CEP104: variants seen among roughly 807,000 people sequenced by gnomAD.
The protein encoded by CEP104 is centrosomal protein 104, also known as centrosomal protein of 104 kDa.
CEP104 carries 84 observed loss-of-function variants against 113.3 expected under a neutral mutation model. The ratio of observed to expected loss-of-function variants is 0.74; its 90% CI spans 0.62 to 0.89. The LOEUF (loss-of-function observed/expected upper bound fraction) is 0.89, where lower values mean the gene tolerates loss of function less well. CEP104 is among the 40% of genes least tolerant of loss of function. CEP104 has a pLI of 0.00. For missense variants in CEP104, 1,053 were observed against 1,156.6 expected (o/e 0.91, Z 1.30); for synonymous variants, 378 against 421.7 (o/e 0.90, Z 1.27).
intron 20 of CEP104, chr1:3,822,921 G>T: frequency 2.1e-6 from 1 of 480,668 alleles, no homozygotes; most frequent in South Asian, 3.5e-5. Context: ...GTATCCCAGT[G>T]ACACAGGCTG....
At chr1:3,855,765 G>T (rs1340697700) in intron 1 of CEP104, 1 of 323,522 alleles carries the variant, frequency 3.1e-6, no homozygotes, top group Non-Finnish European at 4.5e-6. Flanking sequence ...TAAGATACTT[G>T]GAATGTCACT....
intron 1 of CEP104, among the ~76,000 whole-genome samples, chr1:3,854,700 G>T (rs1484653961): frequency 6.7e-6 from 1 of 148,530 alleles, no homozygotes; most frequent in Non-Finnish European, 1.5e-5. Flanking sequence ...GGCCAGGCTG[G>T]TCTCGAACTC....
chr1:3,819,369 A>G lies in CEP104; in HGVS notation c.2572-2999T>C, dbSNP rs1193819336. Among the ~76,000 whole-genome samples, 2 of 152,160 alleles carry G rather than the reference A, an allele frequency of 1.3e-5. No individual in the cohort carries two copies. The highest frequency in any genetic ancestry group is 4.8e-5 in the African/African-American group (2 of 41,418). ...GGCAGTGTTGTCTTTTGGGTGATGGAAAAGTTCCACACGTGTGCAGATGGT... is the reference window on the plus strand; with the variant it reads ...GGCAGTGTTGTCTTTTGGGTGATGGGAAAGTTCCACACGTGTGCAGATGGT... On this transcript the variant is annotated intron_variant, in intron 20 of 21. Coordinates refer to ENST00000378230, the MANE Select transcript of CEP104 (RefSeq NM_014704.4). The surrounding 1 kb of genome is among the most constrained non-coding windows in gnomAD (Gnocchi z 4.6).
chr1:3,821,772 T>C (rs996752364), intron 20 of CEP104, among the ~76,000 whole-genome samples: 4 of 152,230 alleles, frequency 2.6e-5, no homozygotes, highest in Middle Eastern at 3.2e-3. Flanking sequence ...CAAGGGAACG[T>C]AGTCAGCAGA....
intron 12 of CEP104, among the ~76,000 whole-genome samples, chr1:3,832,350 G>A (rs1644226611): frequency 6.6e-6 from 1 of 152,102 alleles, no homozygotes; most frequent in Admixed American, 6.5e-5. Flanking sequence ...AACCAGGAGT[G>A]TAGTGTAGCA....
intron 17 of CEP104, 132 bp from the exon 18 acceptor site, chr1:3,825,998 A>G (rs2124648157): frequency 1.4e-6 from 1 of 709,140 alleles, no homozygotes; most frequent in East Asian, 2.7e-5. Flanking sequence ...CTCATCTGGA[A>G]CTGCCTCAGT....
chr1:3,828,269 T>C (rs931419438), intron 15 of CEP104, among the ~76,000 whole-genome samples: 2 of 152,204 alleles, frequency 1.3e-5, no homozygotes, highest in Non-Finnish European at 2.9e-5. Flanking sequence ...GAGTGTGTGC[T>C]GAGCCACTGA....
chr1:3,831,371 G>C (rs909406180), intron 12 of CEP104, 149 bp from the exon 13 acceptor site: 1 of 580,034 alleles, frequency 1.7e-6, no homozygotes, highest in Non-Finnish European at 3.0e-6. Context: ...GCACTGATCC[G>C]TAAGCTTGTA....
At chr1:3,843,919 G>A (rs1404910741) in intron 6 of CEP104, among the ~76,000 whole-genome samples, 8 of 151,954 alleles carry the variant, frequency 5.3e-5, no homozygotes, top group Non-Finnish European at 7.4e-5. Flanking sequence ...GCGCCACCAC[G>A]CCTGGCTAAT....
At position 3,815,298 on chromosome 1, in the gene CEP104, A is replaced by G; in HGVS notation, c.*104T>C. ...TGCACGGCGGGGAGCTGGGGACAGC[A>G]GCCAGAGCATGGGGCCACCAAGGCC... On this transcript the variant is annotated 3_prime_UTR_variant, in exon 22 of 22. Coordinates refer to ENST00000378230, the MANE Select transcript of CEP104 (RefSeq NM_014704.4). 1 of 845,130 alleles carries G rather than the reference A, an allele frequency of 1.2e-6. No individual in the cohort carries two copies. Among genetic ancestry groups the G allele is most frequent in the Non-Finnish European group, 1.9e-6 (1 of 526,136 alleles). 52.4% of individuals were successfully genotyped at this position (845,130 alleles called of 1,614,324 possible).
In CEP104 at chr1:3,823,567, A is replaced by G; in HGVS notation, c.2365-5T>C. On this transcript the variant is annotated splice_region_variant and splice_polypyrimidine_tract_variant and intron_variant, in intron 18 of 21. Coordinates refer to ENST00000378230, the MANE Select transcript of CEP104 (RefSeq NM_014704.4). This position sits in a 1 kb window ranked among gnomAD's most constrained non-coding sequence, Gnocchi z 4.1. The stretch of plus-strand genomic sequence containing the variant: ...CAGACTGGATATCTCGACCACCTGG[A>G]TTTCGAAATACAGAGCAAAGCATGT... The G allele has an allele frequency of 6.2e-7, 1 of 1,614,150 alleles. No individual in the cohort carries two copies. The highest frequency in any genetic ancestry group is 8.5e-7 in the Non-Finnish European group (1 of 1,180,042).
At chr1:3,846,502 G>A (rs771804809) in intron 4 of CEP104, among the ~76,000 whole-genome samples, 2 of 152,116 alleles carry the variant, frequency 1.3e-5, no homozygotes, top group African/African-American at 2.4e-5. Flanking sequence ...CATTCATGAC[G>A]AGATTATCTG....
chr1:3,826,869 T>TA, intron 15 of CEP104, 125 bp from the exon 16 acceptor site: 5 of 986,692 alleles, frequency 5.1e-6, no homozygotes, highest in Non-Finnish European at 7.8e-6. Context: ...TTCTACTGGC[T>TA]GGCAAGGTGG....
rs1471445986 is a variant in CEP104, at chr1:3,848,659, C to T, written c.236G>A (p.Ser79Asn). The T allele has an allele frequency of 1.9e-6, 3 of 1,613,616 alleles. No individual in the cohort carries two copies. The highest frequency in any genetic ancestry group is 2.5e-6 in the Non-Finnish European group (3 of 1,179,940). ...ATAGGGTGCAAAATATTCAGGCAAG[C>T]TTTCACTAATGTAGAACTCAATTTT... ...SSKIEFYISE[S>N]LPEYFAPYQA... Residue 79 changes from serine (S) to asparagine (N), a missense_variant, in exon 3 of 22, where the codon AGC becomes AAC. Transcript: ENST00000378230.
rs146106773 is a variant in CEP104 at position 3,850,495 on chromosome 1, C to T, written c.114-1714G>A. Among the ~76,000 whole-genome samples, 697 of 152,272 alleles carry T rather than the reference C, an allele frequency of 4.6e-3. 8 individuals carry two copies. The highest frequency in any genetic ancestry group is 0.016 in the African/African-American group (649 of 41,554). On this transcript the variant is annotated intron_variant, in intron 2 of 21. Coordinates refer to ENST00000378230, the MANE Select transcript of CEP104 (RefSeq NM_014704.4). ...CTTCAGGCTCTCTGAATTCTGAGGT[C>T]ACATGAACGGCACTGGGGGTCTCCC...
rs770367288 is a variant in CEP104, at chr1:3,835,083, C to A, written c.1327G>T (p.Ala443Ser). Residue 443 changes from alanine (A) to serine (S), a missense_variant, in exon 11 of 22, where the codon GCC becomes TCC. Coordinates refer to ENST00000378230, the MANE Select transcript of CEP104 (RefSeq NM_014704.4). ...CGGTAGGACCACGTCTTACAATAGG[C>A]CTCAGCAACCTACCACAAAACAGGC... ...DVLGETLVAE[A>S]YCKTWSYRED... 2 of 1,612,632 alleles carry A rather than the reference C, an allele frequency of 1.2e-6. No individual in the cohort carries two copies. The highest frequency in any genetic ancestry group is 1.1e-5 in the South Asian group (1 of 90,716).
intron 2 of CEP104, among the ~76,000 whole-genome samples, chr1:3,850,519 C>T (rs754292199): frequency 1.3e-5 from 2 of 152,128 alleles, no homozygotes; most frequent in Non-Finnish European, 2.9e-5. Context: ...TGGGGGTCTC[C>T]CTATATCTCT....
In CEP104 at chr1:3,831,066, T is replaced by C. The variant is rs1378099311; in HGVS notation, c.1816A>G (p.Thr606Ala). 1.2e-6 allele frequency: 2 copies of C among 1,613,874 alleles called. No homozygotes were observed. Among genetic ancestry groups the C allele is most frequent in the East Asian group, 2.2e-5 (1 of 44,876 alleles). ...CTTACCTTCATCACGTTGTCAATGGTGAAGCCCGAGCTGCCAGTGCCCAGG... is the reference window on the plus strand; with the variant it reads ...CTTACCTTCATCACGTTGTCAATGGCGAAGCCCGAGCTGCCAGTGCCCAGG... ...KDLGTGSSGF[T>A]IDNVMKFSVS... Residue 606 changes from threonine to alanine, a missense_variant, in exon 13 of 22, where the codon ACC becomes GCC. Coordinates refer to ENST00000378230, the MANE Select transcript of CEP104 (RefSeq NM_014704.4).
intron 12 of CEP104, 117 bp downstream of exon 12, chr1:3,833,737 GTGAATCCC>G: frequency 1.1e-6 from 1 of 875,630 alleles, no homozygotes; most frequent in Non-Finnish European, 1.7e-6. Flanking sequence ...AAGTGTGATG[GTGAATCCC>G]TGAGAATAAT....
Sources: allele counts gnomAD v4.1 joint callset (sites outside exome capture counted in the v4.1 genomes callset), GRCh38; gene constraint gnomAD v4.1.1; non-coding constraint Gnocchi (gnomAD v3.1); transcripts MANE v1.5; gene names NCBI Gene and HGNC (gene_info 2026-07-23, HGNC 2026-07-21).